AMPD3: variants seen among roughly 807,000 people sequenced by gnomAD.
The protein encoded by AMPD3 is AMP deaminase 3.
AMPD3 carries 57 observed loss-of-function variants against 82.3 expected under a neutral mutation model. The ratio of observed to expected loss-of-function variants is 0.69; its 90% confidence interval spans 0.56 to 0.86. The LOEUF is 0.86. Ranked by LOEUF, AMPD3 falls within the 40% of genes least tolerant of loss-of-function variation. The probability of loss-of-function intolerance (pLI) is 0.00; values close to 1 mark genes in which losing one functional copy is unlikely to be tolerated. For missense variants in AMPD3, 870 were observed against 1,003.8 expected (o/e 0.87, Z 1.80); for synonymous variants, 381 against 394.7 (o/e 0.97, Z 0.41).
chr11:10,491,532 A>G (rs1157660862), intron 6 of AMPD3, among the ~76,000 whole-genome samples: 2 of 152,240 alleles, frequency 1.3e-5, no homozygotes, highest in South Asian at 2.1e-4. Flanking sequence ...AGAAAAAGGA[A>G]CAAGACCAGT....
intron 1 of AMPD3, among the ~76,000 whole-genome samples, chr11:10,457,846 G>A (rs1848142704): frequency 6.6e-6 from 1 of 152,174 alleles, no homozygotes; most frequent in African/African-American, 2.4e-5. Context: ...AGTAAGCTGT[G>A]ATTGTGCCAC....
intron 6 of AMPD3, chr11:10,490,686 G>T: frequency 2.0e-6 from 2 of 982,792 alleles, no homozygotes; most frequent in Non-Finnish European, 2.4e-6. Context: ...TGTGACTCAT[G>T]GGGGTAAGGA....
intron 2 of AMPD3, chr11:10,473,639 T>C: frequency 1.0e-6 from 1 of 974,470 alleles, no homozygotes; most frequent in African/African-American, 1.8e-5. Context: ...GTGATCTCTG[T>C]GCGCCCCTGC....
intron 2 of AMPD3, among the ~76,000 whole-genome samples, chr11:10,470,084 A>C (rs1252788828): frequency 2.0e-5 from 3 of 152,176 alleles, no homozygotes; most frequent in Non-Finnish European, 4.4e-5. Context: ...TGGCAAACCA[A>C]ATCCAGCAGC....
In AMPD3 at chr11:10,482,236, C is replaced by G. The variant is rs757178861; in HGVS notation, c.589+11C>G. 6.2e-7 allele frequency: 1 copy of G among 1,610,704 alleles called. No homozygotes were observed. Among genetic ancestry groups the G allele is most frequent in the Non-Finnish European group, 8.5e-7 (1 of 1,178,808 alleles). ...AAGAGGGCCTTCCAGGTATGGAGCT[C>G]TGGCTGGAGGTTGGGTCCCAAGTGT... On this transcript the variant is annotated intron_variant, in intron 4 of 14. Coordinates refer to ENST00000396553, the MANE Select transcript of AMPD3 (RefSeq NM_001025389.2).
intron 6 of AMPD3, 123 bp downstream of exon 6, chr11:10,487,487 C>A: frequency 7.1e-7 from 1 of 1,403,730 alleles, no homozygotes; most frequent in Non-Finnish European, 1.0e-6. Flanking sequence ...TAAGGGCGGC[C>A]TTCGTGGCCA....
rs180914609 is a variant in AMPD3, at chr11:10,477,817, A to T, written c.222-709A>T. Reference sequence around the variant, plus strand: ...TGTGACTTTGTGCCAGCCCTTTCCCATCTCTGGGAAAGTGTCTGTGAGAAG... The same window carrying T: ...TGTGACTTTGTGCCAGCCCTTTCCCTTCTCTGGGAAAGTGTCTGTGAGAAG... On this transcript the variant is annotated intron_variant, in intron 2 of 14. Transcript: ENST00000396553. 17 of 951,820 alleles carry T rather than the reference A, an allele frequency of 1.8e-5. No individual in the cohort carries two copies. The African/African-American group carries it at 2.3e-4, about 13-fold the overall frequency. 59.0% of individuals were successfully genotyped at this position (951,820 alleles called of 1,614,324 possible). A position where few individuals can be genotyped will look rare whatever the true frequency, so the allele number is the denominator to read the frequency against.
Position 10,455,388 on chromosome 11 carries a change from G to A in AMPD3, c.-66G>A, listed in dbSNP as rs887598744. On this transcript the variant is annotated 5_prime_UTR_variant, in exon 1 of 15. Coordinates refer to ENST00000396553, the MANE Select transcript of AMPD3 (RefSeq NM_001025389.2). ...GAGGCAGGCTCCACCTTCCCCAGGA[G>A]GAGTGGCAGAGTCCAGCCAGCGCTC... 1.0e-6 allele frequency: 1 copy of A among 985,492 alleles called. No homozygotes were observed. The highest frequency in any genetic ancestry group is 1.2e-6 in the Non-Finnish European group (1 of 830,002). The allele number at this position is 985,492 out of a possible 1,614,324, so 61.0% of individuals were successfully genotyped here.
chr11:10,497,496 C>A (rs1026486516), intron 10 of AMPD3: 7 of 864,512 alleles, frequency 8.1e-6, no homozygotes, highest in Admixed American at 6.2e-5. Flanking sequence ...CCTCCGGATG[C>A]CTGGGATCGA....
At position 10,484,996 on chromosome 11, in the gene AMPD3, G is replaced by A. The variant is rs761582303; in HGVS notation, c.766G>A (p.Val256Met). ...LPYPDLETYT[V>M]DMSHILALIT... The stretch of plus-strand genomic sequence containing the variant: ...CTACCCCGACCTGGAGACCTACACG[G>A]TGGACATGAGCCACATCCTGGCTCT... The change falls in exon 5 of 15, where the codon GTG becomes ATG. Residue 256 changes from valine (V) to methionine (M), a missense_variant. Val to Met is a conservative substitution (Grantham distance 21). Transcript: ENST00000396553. The A allele has an allele frequency of 3.7e-6, 6 of 1,614,018 alleles. No individual in the cohort carries two copies. The highest frequency in any genetic ancestry group is 5.1e-6 in the Non-Finnish European group (6 of 1,180,028).
intron 2 of AMPD3, among the ~76,000 whole-genome samples, chr11:10,477,502 C>T (rs1848774680): frequency 6.6e-6 from 1 of 152,174 alleles, no homozygotes; most frequent in South Asian, 2.1e-4. Context: ...AATCTGATGT[C>T]TGTTTCATGA....
chr11:10,502,113 T>A, intron 12 of AMPD3: 1 of 985,458 alleles, frequency 1.0e-6, no homozygotes, highest in South Asian at 4.7e-5. Context: ...GCTCTGTGCA[T>A]ACAGTCTTCT....
intron 9 of AMPD3, chr11:10,496,391 C>T (rs554215843): frequency 4.2e-5 from 41 of 985,406 alleles, no homozygotes; most frequent in East Asian, 2.3e-4. Flanking sequence ...GTCACTCAGA[C>T]GGCTGCTGTC....
intron 1 of AMPD3, 180 bp from the exon 2 acceptor site, chr11:10,461,335 C>T (rs2133822882): frequency 1.3e-6 from 2 of 1,584,894 alleles, no homozygotes; most frequent in African/African-American, 1.3e-5. Flanking sequence ...ACATGCTTCA[C>T]ATCCAGTTAC....
At chr11:10,450,650 C>T, upstream of AMPD3, 1 of 1,009,810 alleles carries the variant, frequency 9.9e-7, no homozygotes, top group Non-Finnish European at 1.2e-6. Flanking sequence ...CGGGTGCTTC[C>T]GGCCAAGGGC....
chr11:10,497,929 T>C (rs1849467116), intron 10 of AMPD3, among the ~76,000 whole-genome samples: 1 of 152,212 alleles, frequency 6.6e-6, no homozygotes, highest in Admixed American at 6.5e-5. Context: ...TTGGTGCGTG[T>C]TGGACACGGT....
chr11:10,461,972 C>T (rs558648625), intron 2 of AMPD3, among the ~76,000 whole-genome samples: 1 of 152,288 alleles, frequency 6.6e-6, no homozygotes, highest in South Asian at 2.1e-4. Flanking sequence ...AAAAAATACA[C>T]ACCATTTCCA....
chr11:10,497,043 A>G, intron 10 of AMPD3, 105 bp downstream of exon 10: 1 of 1,414,482 alleles, frequency 7.1e-7, no homozygotes, highest in Non-Finnish European at 1.0e-6. Flanking sequence ...ATGGTATCTT[A>G]GGTCCTGCCA....
At chr11:10,451,025 G>T, upstream of AMPD3, 2 of 1,583,380 alleles carry the variant, frequency 1.3e-6, no homozygotes, top group Non-Finnish European at 1.7e-6. Context: ...CGGCGGCATG[G>T]CCCTGTCGTC....
Sources: allele counts gnomAD v4.1 joint callset (sites outside exome capture counted in the v4.1 genomes callset), GRCh38; gene constraint gnomAD v4.1.1; transcripts MANE v1.5; gene names NCBI Gene and HGNC (gene_info 2026-07-23, HGNC 2026-07-21).